SUGCT: variants seen among roughly 807,000 people sequenced by gnomAD.
The protein encoded by SUGCT is succinyl-CoA:glutarate CoA-transferase.
A neutral mutation model predicts 55.0 loss-of-function variants in SUGCT; 41 were observed. The ratio of observed to expected loss-of-function variants is 0.74; its 90% CI spans 0.58 to 0.97. The LOEUF is 0.97. Among genes scored for constraint, SUGCT ranks in the 50% least tolerant of loss-of-function variants. The probability of loss-of-function intolerance (pLI) is 0.00; values close to 1 mark genes in which losing one functional copy is unlikely to be tolerated. For synonymous variants in SUGCT, 187 were observed against 200.4 expected (o/e 0.93, Z 0.56); for missense variants, 568 against 547.8 (o/e 1.04, Z -0.37).
intron 9 of SUGCT, among the ~76,000 whole-genome samples, chr7:40,382,781 T>G (rs1219891242): frequency 6.6e-6 from 1 of 152,176 alleles, no homozygotes; most frequent in African/African-American, 2.4e-5. Context: ...AATGACAATT[T>G]AGATACTTTG....
the SUGCT span, among the ~76,000 whole-genome samples, chr7:41,005,190 C>T: frequency 2.0e-5 from 3 of 151,898 alleles, no homozygotes; most frequent in South Asian, 2.1e-4. Flanking sequence ...TTAATTTTCC[C>T]GGACAGTAAA....
At chr7:40,308,744 C>G (rs747491280) in intron 8 of SUGCT, among the ~76,000 whole-genome samples, 2 of 152,180 alleles carry the variant, frequency 1.3e-5, no homozygotes, top group East Asian at 3.9e-4. Context: ...GGCACAGTGA[C>G]TCATGCCTGT....
chr7:40,907,444 C>T, the SUGCT span, among the ~76,000 whole-genome samples: 1 of 152,114 alleles, frequency 6.6e-6, no homozygotes, highest in Admixed American at 6.6e-5. Context: ...TTAATATAGC[C>T]AACACTTACT....
chr7:40,498,815 G>A (rs1792124018), intron 12 of SUGCT, among the ~76,000 whole-genome samples: 1 of 152,286 alleles, frequency 6.6e-6, no homozygotes, highest in African/African-American at 2.4e-5. Context: ...TTACCTTTGT[G>A]TAGTGGATAG....
intron 8 of SUGCT, among the ~76,000 whole-genome samples, chr7:40,307,326 A>G (rs1212903708): frequency 6.6e-6 from 1 of 152,222 alleles, no homozygotes; most frequent in Non-Finnish European, 1.5e-5. Flanking sequence ...TTATATGTAG[A>G]GGTTCACCTA....
chr7:40,477,997 T>TC (rs1456329262), intron 11 of SUGCT, among the ~76,000 whole-genome samples: 2 of 152,066 alleles, frequency 1.3e-5, no homozygotes, highest in Non-Finnish European at 2.9e-5. Flanking sequence ...GGCTTTTTTT[T>TC]CCCCCACCTT....
At position 40,741,674 on chromosome 7, in the gene SUGCT, T is replaced by A. The variant is rs2128705054; in HGVS notation, c.1090-7760T>A. Among the ~76,000 whole-genome samples the A allele has an allele frequency of 1.3e-5, 2 of 152,316 alleles. 1 individual carries two copies. Among genetic ancestry groups the A allele is most frequent in the South Asian group, 4.1e-4 (2 of 4,824 alleles). ...GGCAGCATTGTTTGCCATGGTAAAA[T>A]AACTGGAAGCTACCTAAAAGCAGAG... On this transcript the variant is annotated intron_variant, in intron 12 of 13. Coordinates refer to ENST00000335693, the MANE Select transcript of SUGCT (RefSeq NM_001193313.2).
At chr7:40,501,632 T>C (rs920530334) in intron 12 of SUGCT, among the ~76,000 whole-genome samples, 1 of 152,112 alleles carries the variant, frequency 6.6e-6, no homozygotes, top group Non-Finnish European at 1.5e-5. Flanking sequence ...CTTCCTTCAT[T>C]CAATCATCCC....
At chr7:40,135,582 G>C (rs558357262) in intron 1 of SUGCT, among the ~76,000 whole-genome samples, 148 of 152,364 alleles carry the variant, frequency 9.7e-4, no homozygotes, top group African/African-American at 3.4e-3. Flanking sequence ...CTTTACTACA[G>C]TGTTATAGAA....
chr7:40,771,919 C>T (rs1490812485), intron 13 of SUGCT, among the ~76,000 whole-genome samples: 2 of 152,122 alleles, frequency 1.3e-5, no homozygotes, highest in Non-Finnish European at 2.9e-5. Context: ...TTTATATTTT[C>T]CCACTGTCCT....
At chr7:40,240,445 T>C (rs562539428) in intron 7 of SUGCT, among the ~76,000 whole-genome samples, 1 of 151,836 alleles carries the variant, frequency 6.6e-6, no homozygotes, top group Non-Finnish European at 1.5e-5. Context: ...ATGGCGCCAT[T>C]GCACTCCAGC....
the SUGCT span, among the ~76,000 whole-genome samples, chr7:40,961,114 C>G: frequency 6.6e-6 from 1 of 152,244 alleles, no homozygotes; most frequent in African/African-American, 2.4e-5. Flanking sequence ...TCCTCCTCCA[C>G]ACTCAGCACC....
chr7:40,667,464 T>A (rs1801705690), intron 12 of SUGCT, among the ~76,000 whole-genome samples: 1 of 152,114 alleles, frequency 6.6e-6, no homozygotes, highest in Non-Finnish European at 1.5e-5. Context: ...CTTCATAGAA[T>A]GAGTTAGGGA....
chr7:40,469,299 A>G lies in SUGCT; in HGVS notation c.986+10101A>G, dbSNP rs112045278. Among the ~76,000 whole-genome samples the G allele has an allele frequency of 9.1e-3, 1,386 of 152,288 alleles. 26 individuals are homozygous for G. Among genetic ancestry groups the G allele is most frequent in the African/African-American group, 0.03 (1,259 of 41,550 alleles). Reference sequence around the variant, plus strand: ...CCAACCCCTCATAATTCTTTGAATCATATCATGGCATTCACTGTAGAGGGG... The same window carrying G: ...CCAACCCCTCATAATTCTTTGAATCGTATCATGGCATTCACTGTAGAGGGG... On this transcript the variant is annotated intron_variant, in intron 11 of 13. Coordinates refer to ENST00000335693, the MANE Select transcript of SUGCT (RefSeq NM_001193313.2).
intron 9 of SUGCT, among the ~76,000 whole-genome samples, chr7:40,349,853 A>AT (rs1185267059): frequency 1.3e-5 from 2 of 152,104 alleles, no homozygotes; most frequent in Non-Finnish European, 2.9e-5. Context: ...TTTTATTAAT[A>AT]TTTTTAGTAG....
intron 7 of SUGCT, among the ~76,000 whole-genome samples, chr7:40,253,778 C>G (rs923039006): frequency 1.3e-5 from 2 of 152,200 alleles, no homozygotes; most frequent in African/African-American, 2.4e-5. Context: ...GCCTCAGCCT[C>G]CAAAAGTGCT....
At chr7:40,350,167 T>A (rs1427204130) in intron 9 of SUGCT, among the ~76,000 whole-genome samples, 1 of 151,870 alleles carries the variant, frequency 6.6e-6, no homozygotes, top group Non-Finnish European at 1.5e-5. Context: ...AATTGATATA[T>A]GTCAATTTTA....
intron 6 of SUGCT, among the ~76,000 whole-genome samples, chr7:40,202,147 A>G (rs1383584033): frequency 6.6e-6 from 1 of 151,850 alleles, no homozygotes; most frequent in African/African-American, 2.4e-5. Flanking sequence ...TAGTTTTTGT[A>G]TTTTTGGTAG....
intron 12 of SUGCT, among the ~76,000 whole-genome samples, chr7:40,665,709 G>A (rs1220094239): frequency 1.3e-5 from 2 of 152,028 alleles, no homozygotes; most frequent in African/African-American, 4.8e-5. Flanking sequence ...AGCAGGTTGA[G>A]GAGTGGGGAT....
Sources: gnomAD v4.1 joint callset for allele counts (sites outside exome capture counted in the v4.1 genomes callset) on GRCh38, gnomAD v4.1.1 for gene constraint, MANE v1.5 for transcripts, NCBI Gene and HGNC (gene_info 2026-07-23, HGNC 2026-07-21) for gene names.